The following KLF12 variants were observed in gnomAD, a reference collection of about 807,000 sequenced individuals.
KLF12 encodes the protein Krueppel-like factor 12.
KLF12 carries 9 observed loss-of-function variants against 37.8 expected under a neutral mutation model. The ratio of observed to expected loss-of-function variants is 0.24; its 90% CI spans 0.14 to 0.42. The LOEUF is 0.42. KLF12 is among the 10% of genes least tolerant of loss of function. The probability of loss-of-function intolerance (pLI) is 1.00; values close to 1 mark genes in which losing one functional copy is unlikely to be tolerated. For missense variants in KLF12, 411 were observed against 516.0 expected, an observed-to-expected ratio of 0.80 and a Z score of 1.97; for synonymous variants, 208 against 202.1, an observed-to-expected ratio of 1.03 and a Z score of -0.25.
chr13:73,815,446 C>T (rs752368281), intron 4 of KLF12, among the ~76,000 whole-genome samples: 10 of 152,138 alleles, frequency 6.6e-5, no homozygotes, highest in Admixed American at 1.3e-4. Context: ...ACTAAAGGAA[C>T]GTAGGATCCA....
At chr13:74,186,771 A>G in the KLF12 span, among the ~76,000 whole-genome samples, 1 of 152,206 alleles carries the variant, frequency 6.6e-6, no homozygotes, top group Non-Finnish European at 1.5e-5. Flanking sequence ...ATGACTAGGT[A>G]TTTTGTTTAT....
chr13:73,701,907 T>C (rs1244387652), intron 7 of KLF12, among the ~76,000 whole-genome samples: 1 of 152,138 alleles, frequency 6.6e-6, no homozygotes, highest in African/African-American at 2.4e-5. Flanking sequence ...AAACCTGGAC[T>C]AAACTAGGAA....
chr13:74,186,025 A>G, the KLF12 span, among the ~76,000 whole-genome samples: 2 of 152,188 alleles, frequency 1.3e-5, no homozygotes, highest in Non-Finnish European at 2.9e-5. Flanking sequence ...GTTATTAGCT[A>G]TGACTAATGA....
chr13:73,804,677 G>A (rs1243755220), intron 5 of KLF12, among the ~76,000 whole-genome samples: 2 of 152,118 alleles, frequency 1.3e-5, no homozygotes, highest in Non-Finnish European at 2.9e-5. Flanking sequence ...TCAAAAAAGA[G>A]CAATCTAACA....
intron 3 of KLF12, among the ~76,000 whole-genome samples, chr13:73,847,853 T>G (rs532617912): frequency 1.2e-3 from 190 of 152,314 alleles, no homozygotes; most frequent in African/African-American, 3.3e-3. Context: ...TAAATTGAAC[T>G]GCTTTGATAA....
At chr13:73,842,555 G>T (rs527709323) in intron 4 of KLF12, among the ~76,000 whole-genome samples, 1 of 152,164 alleles carries the variant, frequency 6.6e-6, no homozygotes, top group Non-Finnish European at 1.5e-5. Flanking sequence ...GAGCTTAGAC[G>T]GATATGCGCA....
At chr13:74,187,075 C>G in the KLF12 span, among the ~76,000 whole-genome samples, 1 of 152,186 alleles carries the variant, frequency 6.6e-6, no homozygotes, top group Admixed American at 6.5e-5. Flanking sequence ...GATTCATACG[C>G]TTCCTTCTAG....
the KLF12 span, among the ~76,000 whole-genome samples, chr13:74,270,007 A>G: frequency 6.6e-6 from 1 of 152,192 alleles, no homozygotes; most frequent in African/African-American, 2.4e-5. Flanking sequence ...ATGTCCTGAG[A>G]CAACCATTCC....
the KLF12 span, among the ~76,000 whole-genome samples, chr13:74,185,716 G>A: frequency 3.3e-5 from 5 of 151,280 alleles, no homozygotes; most frequent in Non-Finnish European, 4.4e-5. Context: ...GTGTGATCTC[G>A]GCTCACTGCA....
chr13:73,695,428 CT>C lies in KLF12; in HGVS notation c.*61del. On this transcript the variant is annotated 3_prime_UTR_variant, in exon 8 of 8. Coordinates refer to ENST00000377669, the MANE Select transcript of KLF12 (RefSeq NM_007249.5). Reference sequence around the variant, plus strand: ...TTAACACTGTGAAGGGGATTCAGCCCTGCTGAATTGGGTGCCGCTAAGAGAT... The same window carrying C: ...TTAACACTGTGAAGGGGATTCAGCCCGCTGAATTGGGTGCCGCTAAGAGAT... 6.7e-7 allele frequency: 1 copy of C among 1,496,984 alleles called. No homozygotes were observed. The highest frequency in any genetic ancestry group is 1.2e-5 in the South Asian group (1 of 86,188). 92.7% of individuals were successfully genotyped at this position (1,496,984 alleles called of 1,614,324 possible). A position where few individuals can be genotyped will look rare whatever the true frequency, so the allele number is the denominator to read the frequency against.
intron 1 of KLF12, among the ~76,000 whole-genome samples, chr13:73,996,777 G>A (rs1401035381): frequency 6.6e-6 from 1 of 152,132 alleles, no homozygotes; most frequent in Non-Finnish European, 1.5e-5. Context: ...CAGGAAGAAG[G>A]CAAGGCCTGC....
chr13:73,968,210 G>A (rs1359478641), intron 2 of KLF12, among the ~76,000 whole-genome samples: 1 of 152,128 alleles, frequency 6.6e-6, no homozygotes, highest in Non-Finnish European at 1.5e-5. Flanking sequence ...CTTCTCATCT[G>A]TTGTAGACTT....
At chr13:74,290,212 T>C in the KLF12 span, among the ~76,000 whole-genome samples, 1 of 152,262 alleles carries the variant, frequency 6.6e-6, no homozygotes, top group South Asian at 2.1e-4. Context: ...CTGCAGCCGT[T>C]GACACCACGA....
intron 4 of KLF12, among the ~76,000 whole-genome samples, chr13:73,817,590 G>C (rs1389697506): frequency 6.6e-6 from 1 of 152,186 alleles, no homozygotes; most frequent in Non-Finnish European, 1.5e-5. Context: ...TTGGCCTAAA[G>C]TTTCTTCTGT....
At chr13:74,071,457 T>C (rs532006926) in intron 1 of KLF12, among the ~76,000 whole-genome samples, 128 of 151,530 alleles carry the variant, frequency 8.4e-4, no homozygotes, top group East Asian at 5.8e-3. Flanking sequence ...GAGGGTGAGG[T>C]GGGCGGATCA....
At chr13:74,143,025 T>G in the KLF12 span, among the ~76,000 whole-genome samples, 21 of 145,182 alleles carry the variant, frequency 1.4e-4, no homozygotes, top group Non-Finnish European at 1.5e-5. Flanking sequence ...CCTCCCTCCC[T>G]CCTTCCTTCC....
chr13:73,699,376 A>G (rs1001782401), intron 7 of KLF12, among the ~76,000 whole-genome samples: 11 of 151,942 alleles, frequency 7.2e-5, no homozygotes, highest in African/African-American at 2.7e-4. Flanking sequence ...ACCAGGCAAG[A>G]CCCCGCCTCC....
At chr13:74,304,296 C>G in the KLF12 span, among the ~76,000 whole-genome samples, 1 of 152,124 alleles carries the variant, frequency 6.6e-6, no homozygotes, top group Non-Finnish European at 1.5e-5. Flanking sequence ...TTCTCTTCAT[C>G]AGTCACTCTG....
At chr13:73,772,962 G>A (rs1297674608) in intron 5 of KLF12, among the ~76,000 whole-genome samples, 1 of 152,206 alleles carries the variant, frequency 6.6e-6, no homozygotes, top group Admixed American at 6.5e-5. Context: ...GTGGGGGTAA[G>A]TGAGGCAGAA....
Sources: allele counts gnomAD v4.1 joint callset (sites outside exome capture counted in the v4.1 genomes callset), GRCh38; gene constraint gnomAD v4.1.1; transcripts MANE v1.5; gene names NCBI Gene and HGNC (gene_info 2026-07-23, HGNC 2026-07-21).